The following PLEKHH2 variants were observed in gnomAD, a reference collection of about 807,000 sequenced individuals.
The protein encoded by PLEKHH2 is pleckstrin homology domain-containing family H member 2.
A neutral mutation model predicts 187.9 loss-of-function variants in PLEKHH2; 129 were observed. The observed-to-expected ratio is 0.69, with a 90% CI of 0.59 to 0.79. PLEKHH2 has a LOEUF of 0.79. PLEKHH2 is among the 30% of genes least tolerant of loss of function. The pLI, the probability that PLEKHH2 is intolerant of heterozygous loss-of-function variation, is 0.00. For synonymous variants in PLEKHH2, 686 were observed against 605.6 expected, an observed-to-expected ratio of 1.13 and a Z score of -1.95; for missense variants, 2,076 against 1,751.2, an observed-to-expected ratio of 1.19 and a Z score of -3.31.
In PLEKHH2 at chr2:43,697,013, A is replaced by G. The variant is rs183826880; in HGVS notation, c.503-158A>G. On this transcript the variant is annotated intron_variant, in intron 6 of 29. Transcript: ENST00000282406. ...TAAACATTGGGATGTGATGCTTGTC[A>G]TTGAAGGTTCTATGTTATTGTACAT... 3.9e-5 allele frequency among the ~76,000 whole-genome samples: 6 copies of G among 152,346 alleles called. No individual in the cohort carries two copies. In the East Asian group the frequency reaches 9.6e-4, roughly 24 times the overall value.
intron 3 of PLEKHH2, among the ~76,000 whole-genome samples, chr2:43,687,030 T>C (rs1300639284): frequency 1.3e-5 from 2 of 152,190 alleles, no homozygotes; most frequent in Non-Finnish European, 2.9e-5. Flanking sequence ...AGAGGGTACA[T>C]GTGCAGGTTT....
At chr2:43,700,757 A>AT in intron 8 of PLEKHH2, 149 bp downstream of exon 8, 1 of 1,056,750 alleles carries the variant, frequency 9.5e-7, no homozygotes, top group Non-Finnish European at 1.4e-6. Flanking sequence ...GGTTCAAGTG[A>AT]TTCTCCTGCC....
intron 15 of PLEKHH2, among the ~76,000 whole-genome samples, chr2:43,718,470 G>A (rs1399498310): frequency 6.6e-6 from 1 of 151,930 alleles, no homozygotes; most frequent in African/African-American, 2.4e-5. Flanking sequence ...CCCAGTAGGC[G>A]GAGGTTGCAG....
In PLEKHH2 at chr2:43,700,327, C is replaced by A. The variant is rs771798095; in HGVS notation, c.1369C>A (p.His457Asn). 5 of 1,613,948 alleles carry A rather than the reference C, an allele frequency of 3.1e-6. No individual in the cohort carries two copies. Among genetic ancestry groups the A allele is most frequent in the Non-Finnish European group, 4.2e-6 (5 of 1,179,996 alleles). ...FSISVALAKR[H>N]LSQPQLSSDR... is the part of the protein sequence containing the mutation. ...TATAAGTGTAGCACTAGCCAAAAGG[C>A]ACTTAAGCCAGCCACAGTTAAGCTC... The change falls in exon 8 of 30, where the codon CAC (histidine) becomes AAC (asparagine). Residue 457 changes from histidine to asparagine, a missense_variant. His to Asn is a moderately conservative substitution (Grantham distance 68). Transcript: ENST00000282406.
chr2:43,737,693 C>G (rs1276299360), intron 19 of PLEKHH2, among the ~76,000 whole-genome samples: 1 of 152,190 alleles, frequency 6.6e-6, no homozygotes, highest in Admixed American at 6.5e-5. Context: ...AGCTACCTTC[C>G]CCAGAGGAAA....
At chr2:43,690,668 A>T (rs1237420166) in intron 3 of PLEKHH2, among the ~76,000 whole-genome samples, 1 of 152,202 alleles carries the variant, frequency 6.6e-6, no homozygotes, top group Non-Finnish European at 1.5e-5. Context: ...TTGCCTCTAT[A>T]ATCTGAAACG....
chr2:43,657,501 C>A (rs1158758140), intron 2 of PLEKHH2, among the ~76,000 whole-genome samples: 1 of 152,166 alleles, frequency 6.6e-6, no homozygotes, highest in African/African-American at 2.4e-5. Context: ...TCTTCAGGCC[C>A]AGTCTCAAAA....
At chr2:43,714,803 T>G (rs1406059063) in intron 15 of PLEKHH2, among the ~76,000 whole-genome samples, 1 of 152,190 alleles carries the variant, frequency 6.6e-6, no homozygotes, top group Non-Finnish European at 1.5e-5. Context: ...TCATAATCTA[T>G]TAAAAAAGAG....
At chr2:43,702,415 G>GTTAT (rs1050101364) in intron 8 of PLEKHH2, among the ~76,000 whole-genome samples, 1 of 150,694 alleles carries the variant, frequency 6.6e-6, no homozygotes, top group African/African-American at 2.4e-5. Context: ...TTCTAATTAT[G>GTTAT]TTATACTTTA....
intron 2 of PLEKHH2, among the ~76,000 whole-genome samples, chr2:43,646,236 C>A (rs115557238): frequency 1.3e-5 from 2 of 151,982 alleles, no homozygotes; most frequent in Non-Finnish European, 2.9e-5. Context: ...TTTTTTCTAA[C>A]GTAACTTAGT....
chr2:43,687,564 A>G (rs1198285756), intron 3 of PLEKHH2, among the ~76,000 whole-genome samples: 1 of 152,182 alleles, frequency 6.6e-6, no homozygotes, highest in East Asian at 1.9e-4. Context: ...GAAACCTCTG[A>G]CTGCTTTTTA....
intron 28 of PLEKHH2, among the ~76,000 whole-genome samples, chr2:43,762,998 T>C (rs1672487383): frequency 6.6e-6 from 1 of 152,136 alleles, no homozygotes; most frequent in African/African-American, 2.4e-5. Context: ...TCTAATCCTG[T>C]GGCTATAATC....
intron 3 of PLEKHH2, chr2:43,681,292 T>C (rs1299532759): frequency 1.5e-5 from 11 of 743,284 alleles, no homozygotes; most frequent in African/African-American, 3.5e-5. Context: ...GCTGGCTGAC[T>C]GTAACTCTGT....
intron 2 of PLEKHH2, among the ~76,000 whole-genome samples, chr2:43,653,943 A>T (rs1466514282): frequency 6.6e-6 from 1 of 152,244 alleles, no homozygotes; most frequent in Non-Finnish European, 1.5e-5. Context: ...TGATTTAACC[A>T]AAGGTAAGAT....
At position 43,699,942 on chromosome 2, in the gene PLEKHH2, A is replaced by G. The variant is rs1160264275; in HGVS notation, c.984A>G (p.Ala328=). ...SRMGSEMYLT[A]SDDSSSIFEE... is the part of the protein sequence containing the mutation. ...TGGGAAGTGAAATGTATCTGACAGC[A>G]TCTGATGACAGCAGCTCTATATTTG... The change falls in exon 8 of 30, where the codon GCA becomes GCG. Residue 328 remains alanine (A), a synonymous_variant. Coordinates refer to ENST00000282406, the MANE Select transcript of PLEKHH2 (RefSeq NM_172069.4). The G allele has an allele frequency of 1.9e-6, 3 of 1,614,176 alleles. No homozygotes were observed. The highest frequency in any genetic ancestry group is 2.5e-6 in the Non-Finnish European group (3 of 1,180,010).
chr2:43,743,016 G>T lies in PLEKHH2; in HGVS notation c.3399+98G>T, dbSNP rs944846768. 3.1e-6 allele frequency: 3 copies of T among 952,986 alleles called. No homozygotes were observed. The African/African-American group carries it at 5.1e-5, about 16-fold the overall frequency. The allele number at this position is 952,986 out of a possible 1,614,324, so 59.0% of individuals were successfully genotyped here. On this transcript the variant is annotated intron_variant, in intron 22 of 29. Transcript: ENST00000282406. ...CTCTGCTTACTTTTGTCAGCACCTG[G>T]CAGTGACAAACATGCAAATATATTA...
Position 43,700,262 on chromosome 2 carries a change from A to G in PLEKHH2, c.1304A>G (p.His435Arg). 1 of 1,614,174 alleles carries G rather than the reference A, an allele frequency of 6.2e-7. No individual in the cohort carries two copies. Residue 435 changes from histidine (H) to arginine (R), a missense_variant, in exon 8 of 30, where the codon CAC (histidine) becomes CGC (arginine). His to Arg is a conservative substitution (Grantham distance 29). Coordinates refer to ENST00000282406, the MANE Select transcript of PLEKHH2 (RefSeq NM_172069.4). Reference protein sequence around the residue: ...GKGTQLVPSSHLPPPKLRIPN... With the variant: ...GKGTQLVPSSRLPPPKLRIPN... ...GGAACACAATTAGTGCCTTCATCAC[A>G]CCTGCCACCCCCAAAGTTAAGGATT...
intron 2 of PLEKHH2, among the ~76,000 whole-genome samples, chr2:43,667,461 G>A (rs1194612856): frequency 6.6e-6 from 1 of 152,116 alleles, no homozygotes; most frequent in Non-Finnish European, 1.5e-5. Flanking sequence ...AAATGGACAA[G>A]TCCACACAAA....
At chr2:43,701,668 T>C (rs539176335) in intron 8 of PLEKHH2, among the ~76,000 whole-genome samples, 6 of 150,544 alleles carry the variant, frequency 4.0e-5, no homozygotes, top group Admixed American at 3.3e-4. Context: ...TCTTCTTCCA[T>C]TGAAACATTG....
Sources: gnomAD v4.1 joint callset for allele counts (sites outside exome capture counted in the v4.1 genomes callset) on GRCh38, gnomAD v4.1.1 for gene constraint, MANE v1.5 for transcripts, NCBI Gene and HGNC (gene_info 2026-07-23, HGNC 2026-07-21) for gene names.